RDH12: variants seen among roughly 807,000 people sequenced by gnomAD.
The protein encoded by RDH12 is all-trans and 9-cis retinol dehydrogenase.
Under a neutral mutation model 34.0 loss-of-function variants are expected in RDH12, and 21 were observed. That is an observed-to-expected ratio of 0.62 (90% CI 0.44 to 0.89). RDH12 has a LOEUF of 0.89. Ranked by LOEUF, RDH12 falls within the 40% of genes least tolerant of loss-of-function variation. The pLI, the probability that RDH12 is intolerant of heterozygous loss-of-function variation, is 0.00. For missense variants in RDH12, 394 were observed against 398.6 expected (o/e 0.99, Z 0.10); for synonymous variants, 198 against 169.9 (o/e 1.17, Z -1.29).
intron 7 of RDH12, chr14:67,728,016 G>A (rs1426047291): frequency 1.3e-5 from 2 of 152,264 alleles, no homozygotes; most frequent in African/African-American, 4.8e-5. Context: ...TGTGGATGTG[G>A]ATGTGGATGT....
chr14:67,730,295 A>G (rs77718590), intron 8 of RDH12, among the ~76,000 whole-genome samples: 16,493 of 152,208 alleles, frequency 0.11, 949 homozygotes, highest in Middle Eastern at 0.26. Context: ...GCCATTCAGT[A>G]TGGTAGCCAC....
chr14:67,702,659 C>T (rs1410258265), intron 1 of RDH12, among the ~76,000 whole-genome samples: 1 of 152,106 alleles, frequency 6.6e-6, no homozygotes, highest in African/African-American at 2.4e-5. Context: ...GTCATGTGAA[C>T]TTGGAAAACC....
chr14:67,715,967 G>A (rs1555389671), intron 1 of RDH12, among the ~76,000 whole-genome samples: 2 of 151,962 alleles, frequency 1.3e-5, no homozygotes, highest in South Asian at 2.1e-4. Flanking sequence ...AGGCCGAGGC[G>A]GGCGGATCAC....
chr14:67,719,123 TC>T lies in RDH12; in HGVS notation c.-274-1723del, dbSNP rs1322706495. Among the ~76,000 whole-genome samples the T allele has an allele frequency of 8.5e-5, 13 of 152,348 alleles. No homozygotes were observed. The East Asian group carries it at 2.5e-3, about 29-fold the overall frequency. ...ACTCCTCATATCGGAGTTATCCTTT[TC>T]CATTGGAGGGTACAATACAGAGGTT... On this transcript the variant is annotated intron_variant, in intron 1 of 8. Coordinates refer to ENST00000551171, the MANE Select transcript of RDH12 (RefSeq NM_152443.3).
At position 67,729,811 on chromosome 14, in the gene RDH12, T is replaced by C. The variant is rs1286273449; in HGVS notation, c.848+431T>C. 6.2e-6 allele frequency: 3 copies of C among 487,228 alleles called. No homozygotes were observed. The Admixed American group carries it at 6.5e-5, about 10-fold the overall frequency. 30.2% of individuals were successfully genotyped at this position (487,228 alleles called of 1,614,324 possible). A position where few individuals can be genotyped will look rare whatever the true frequency, so the allele number is the denominator to read the frequency against. ...CTCTGTCCCTCAATGCTGCCAAGAT[T>C]GGCACTATCTGTTGAAATATAGAAG... On this transcript the variant is annotated intron_variant, in intron 8 of 8. Transcript: ENST00000551171.
intron 1 of RDH12, among the ~76,000 whole-genome samples, chr14:67,720,517 A>G (rs761758990): frequency 5.3e-5 from 8 of 152,176 alleles, no homozygotes; most frequent in Non-Finnish European, 7.4e-5. Flanking sequence ...GGAAGGATCA[A>G]GTTTGCTTTT....
chr14:67,707,049 C>T (rs570024192), intron 1 of RDH12, among the ~76,000 whole-genome samples: 16 of 152,190 alleles, frequency 1.1e-4, no homozygotes, highest in African/African-American at 3.1e-4. Context: ...GGTATGAAAG[C>T]GGTTTATGTA....
chr14:67,731,308 G>A (rs1161981905), intron 8 of RDH12, among the ~76,000 whole-genome samples: 1 of 148,668 alleles, frequency 6.7e-6, no homozygotes, highest in African/African-American at 2.5e-5. Context: ...TCCACCTCCT[G>A]GGTTCAAGGG....
At chr14:67,710,033 C>T (rs922864207) in intron 1 of RDH12, among the ~76,000 whole-genome samples, 1 of 152,184 alleles carries the variant, frequency 6.6e-6, no homozygotes, top group Admixed American at 6.5e-5. Flanking sequence ...CTATTTGTGA[C>T]CTGGAAGCTC....
chr14:67,727,110 G>C lies in RDH12; in HGVS notation c.578G>C (p.Arg193Pro). 6.2e-7 allele frequency: 1 copy of C among 1,614,182 alleles called. No homozygotes were observed. The highest frequency in any genetic ancestry group is 8.5e-7 in the Non-Finnish European group (1 of 1,180,034). Residue 193 changes from arginine to proline, a missense_variant, in exon 7 of 9, where the codon CGC becomes CCC. Physicochemically the swap from Arg to Pro is moderately radical, Grantham distance 103. Transcript: ENST00000551171. Reference protein sequence around the residue: ...IPFHDLQSEKRYSRGFAYCHS... With the variant: ...IPFHDLQSEKPYSRGFAYCHS... ...TTCCACGACCTCCAGAGCGAGAAGC[G>C]CTACAGCAGGGGTTTTGCCTATTGC...
intron 7 of RDH12, among the ~76,000 whole-genome samples, chr14:67,728,940 G>C (rs112791951): frequency 1.3e-5 from 2 of 152,248 alleles, no homozygotes; most frequent in African/African-American, 4.8e-5. Context: ...GTATAAAAAC[G>C]ACATTGAAAT....
At chr14:67,724,126 G>A (rs900125470) in intron 3 of RDH12, among the ~76,000 whole-genome samples, 4 of 152,236 alleles carry the variant, frequency 2.6e-5, no homozygotes, top group African/African-American at 9.6e-5. Context: ...ATGTAGGTTA[G>A]AGGGGAAAGC....
At chr14:67,724,412 C>G in intron 3 of RDH12, 61 bp from the exon 4 acceptor site, 6 of 784,932 alleles carry the variant, frequency 7.6e-6, no homozygotes, top group African/African-American at 1.9e-5. Flanking sequence ...TTTTTTTTAA[C>G]GTATCTTAGT....
chr14:67,718,480 C>T (rs2038090642), intron 1 of RDH12, among the ~76,000 whole-genome samples: 1 of 152,214 alleles, frequency 6.6e-6, no homozygotes, highest in Non-Finnish European at 1.5e-5. Context: ...CCCAGCTCTG[C>T]TTCATAGCAT....
intron 1 of RDH12, among the ~76,000 whole-genome samples, chr14:67,706,629 C>T (rs189969428): frequency 7.9e-5 from 12 of 152,294 alleles, no homozygotes; most frequent in East Asian, 5.8e-4. Flanking sequence ...CAATCAGATA[C>T]GCATTTATCT....
intron 1 of RDH12, among the ~76,000 whole-genome samples, chr14:67,704,566 AG>A (rs766267760): frequency 3.8e-4 from 58 of 152,204 alleles, no homozygotes; most frequent in Non-Finnish European, 4.7e-4. Flanking sequence ...AAGGATGGTA[AG>A]TATTATACCT....
chr14:67,726,961 C>T lies in RDH12; in HGVS notation c.449-20C>T, dbSNP rs755228358. The T allele has an allele frequency of 9.9e-6, 16 of 1,608,476 alleles. No individual in the cohort carries two copies. ...GGCTGTCATTCCACTTTCAATCTTC[C>T]CTGCTGGCTCTCCTCACAGGCCACT... On this transcript the variant is annotated intron_variant, in intron 6 of 8. Transcript: ENST00000551171.
intron 8 of RDH12, among the ~76,000 whole-genome samples, chr14:67,733,187 C>T (rs973259451): frequency 3.3e-5 from 5 of 152,172 alleles, no homozygotes; most frequent in African/African-American, 1.2e-4. Context: ...CACCCCCTAT[C>T]CCTCTAGTCC....
At chr14:67,706,910 G>A (rs2140107948) in intron 1 of RDH12, among the ~76,000 whole-genome samples, 1 of 152,298 alleles carries the variant, frequency 6.6e-6, no homozygotes, top group South Asian at 2.1e-4. Flanking sequence ...TTTTTAGAAG[G>A]TTGTGAAGTC....
Sources: gnomAD v4.1 joint callset for allele counts (sites outside exome capture counted in the v4.1 genomes callset) on GRCh38, gnomAD v4.1.1 for gene constraint, MANE v1.5 for transcripts, NCBI Gene and HGNC (gene_info 2026-07-23, HGNC 2026-07-21) for gene names.